Variants in MAOB observed in about 807,000 individuals in gnomAD.
MAOB encodes the protein amine oxidase [flavin-containing] B.
In MAOB, 15 loss-of-function variants were observed where a neutral mutation model predicts 41.9. The observed-to-expected ratio is 0.36, with a 90% CI of 0.24 to 0.55. The LOEUF is 0.55. Ranked by LOEUF, MAOB falls within the 20% of genes least tolerant of loss-of-function variation. The pLI is 0.86. For synonymous variants in MAOB, 167 were observed against 144.2 expected, an observed-to-expected ratio of 1.16 and a Z score of -1.13; for missense variants, 345 against 398.7, an observed-to-expected ratio of 0.87 and a Z score of 1.15.
intron 5 of MAOB, among the ~76,000 whole-genome samples, chrX:43,801,429 C>A (rs2034593749): frequency 9.0e-6 from 1 of 111,389 alleles, no homozygotes; most frequent in Admixed American, 9.6e-5. Context: ...AACTAATGCT[C>A]TTTAGCAAGA....
intron 1 of MAOB, among the ~76,000 whole-genome samples, chrX:43,866,054 G>A (rs954086565): frequency 4.5e-5 from 5 of 110,729 alleles, no homozygotes; most frequent in Admixed American, 2.9e-4. Flanking sequence ...CAAGGCATCC[G>A]AAGTAGGCCA....
chrX:43,769,447 G>C (rs1569207471), intron 12 of MAOB, 29 bp from the exon 13 acceptor site: 3 of 1,196,489 alleles, frequency 2.5e-6, no homozygotes, highest in South Asian at 3.7e-5. Flanking sequence ...AGGCAAAAGT[G>C]GTCAGTCTCA....
rs2034290917 is a variant in MAOB at position 43,778,687 on chromosome X, G to A, written c.1132C>T (p.Leu378=). 3.3e-6 allele frequency: 4 copies of A among 1,203,820 alleles called. No individual in the cohort carries two copies. In the Admixed American group the frequency reaches 6.6e-5, roughly 20 times the overall value. ...GGGTTGGGAAGCAGCCTTACCTCCA[G>A]AGCTTCTAGGGAACCCAGAACCTTG... ...YAKVLGSLEA[L]EPVHYEEKNW... Residue 378 remains leucine, a synonymous_variant, in exon 11 of 15, where the codon CTG becomes TTG. Coordinates refer to ENST00000378069, the MANE Select transcript of MAOB (RefSeq NM_000898.5).
At chrX:43,843,400 CACACACACAG>C (rs1468962889) in intron 2 of MAOB, among the ~76,000 whole-genome samples, 5 of 105,594 alleles carry the variant, frequency 4.7e-5, no homozygotes, top group African/African-American at 7.3e-5. Context: ...CACACACACA[CACACACACAG>C]AGGCACACAC....
chrX:43,782,742 A>G (rs1434443548), intron 8 of MAOB, among the ~76,000 whole-genome samples: 1 of 111,973 alleles, frequency 8.9e-6, no homozygotes. Flanking sequence ...AAAATCCTCA[A>G]TAAAATACTA....
At chrX:43,879,558 C>T (rs1438229097) in intron 1 of MAOB, among the ~76,000 whole-genome samples, 1 of 111,819 alleles carries the variant, frequency 8.9e-6, no homozygotes, top group East Asian at 2.8e-4. Flanking sequence ...TGCTAGATTT[C>T]TCTCCCTGGG....
At chrX:43,855,992 A>G (rs193006422) in intron 1 of MAOB, among the ~76,000 whole-genome samples, 179 of 111,825 alleles carry the variant, frequency 1.6e-3, no homozygotes, top group African/African-American at 5.1e-3. Context: ...TCCCCCCAGC[A>G]TTCAGGAATT....
chrX:43,773,197 G>T (rs1237995371), intron 12 of MAOB, among the ~76,000 whole-genome samples: 3 of 111,699 alleles, frequency 2.7e-5, no homozygotes. Flanking sequence ...CAGGTGGTAT[G>T]TGCATTATGA....
chrX:43,831,464 G>A (rs1347531738), intron 3 of MAOB, among the ~76,000 whole-genome samples: 1 of 110,933 alleles, frequency 9.0e-6, no homozygotes, highest in East Asian at 2.8e-4. Context: ...TGACATTCCA[G>A]ACCTCTTATA....
intron 12 of MAOB, among the ~76,000 whole-genome samples, chrX:43,769,725 T>C (rs1415010354): frequency 9.0e-6 from 1 of 111,672 alleles, no homozygotes; most frequent in East Asian, 2.8e-4. Flanking sequence ...CCCAGTCACA[T>C]GGCTCCCTTT....
intron 8 of MAOB, among the ~76,000 whole-genome samples, chrX:43,784,789 T>A (rs1355163203): frequency 8.9e-6 from 1 of 112,339 alleles, no homozygotes; most frequent in Admixed American, 9.4e-5. Flanking sequence ...ACTTCCTTTC[T>A]GTAGCTATGA....
chrX:43,861,734 T>G (rs1009870782), intron 1 of MAOB, among the ~76,000 whole-genome samples: 3 of 111,785 alleles, frequency 2.7e-5, no homozygotes, highest in African/African-American at 9.7e-5. Flanking sequence ...TCTGGGGTAT[T>G]TAAATTCTAG....
intron 3 of MAOB, among the ~76,000 whole-genome samples, chrX:43,836,707 G>A (rs2147161303): frequency 8.9e-6 from 1 of 112,145 alleles, no homozygotes; most frequent in Admixed American, 9.4e-5. Flanking sequence ...TAAAGGGTTT[G>A]TTAATTGTTC....
At chrX:43,777,764 C>T (rs747485403) in intron 11 of MAOB, among the ~76,000 whole-genome samples, 6 of 112,172 alleles carry the variant, frequency 5.3e-5, no homozygotes, top group South Asian at 7.5e-4. Flanking sequence ...ACTTTTCTCA[C>T]GCATTAACTG....
At chrX:43,864,225 G>A (rs1045691672) in intron 1 of MAOB, among the ~76,000 whole-genome samples, 9 of 110,912 alleles carry the variant, frequency 8.1e-5, no homozygotes, top group Non-Finnish European at 1.3e-4. Context: ...AAATATATAC[G>A]TATTTTCTCT....
chrX:43,869,805 G>C (rs140800061), intron 1 of MAOB, among the ~76,000 whole-genome samples: 1 of 111,543 alleles, frequency 9.0e-6, no homozygotes, highest in Non-Finnish European at 1.9e-5. Context: ...AAGGTTCATC[G>C]TCAAAACCCT....
intron 14 of MAOB, among the ~76,000 whole-genome samples, chrX:43,768,170 C>G (rs948192813): frequency 8.9e-6 from 1 of 112,072 alleles, no homozygotes; most frequent in African/African-American, 3.2e-5. Context: ...AACCTCTATG[C>G]ATCCCTCCTT....
At chrX:43,873,917 C>T (rs1469378372) in intron 1 of MAOB, among the ~76,000 whole-genome samples, 4 of 111,340 alleles carry the variant, frequency 3.6e-5, no homozygotes, top group African/African-American at 9.8e-5. Context: ...CCTCGCGATC[C>T]GCCCGCCTCG....
intron 11 of MAOB, among the ~76,000 whole-genome samples, chrX:43,775,561 T>A (rs184048898): frequency 8.9e-6 from 1 of 112,019 alleles, no homozygotes; most frequent in African/African-American, 3.2e-5. Context: ...TGGTTTTACC[T>A]ATTAAAAAGT....
Sources: allele counts gnomAD v4.1 joint callset (sites outside exome capture counted in the v4.1 genomes callset), GRCh38; gene constraint gnomAD v4.1.1; transcripts MANE v1.5; gene names NCBI Gene and HGNC (gene_info 2026-07-23, HGNC 2026-07-21).